STX7: variants seen among roughly 807,000 people sequenced by gnomAD.
STX7 encodes syntaxin 7.
STX7 carries 34 observed loss-of-function variants against 39.6 expected under a neutral mutation model. That is an observed-to-expected ratio of 0.86 (90% CI 0.65 to 1.14). The LOEUF is 1.14. Ranked by LOEUF, STX7 falls within the 50% of genes most tolerant of loss-of-function variation. STX7 has a pLI of 0.00. For synonymous variants in STX7, 119 were observed against 99.1 expected, an observed-to-expected ratio of 1.20 and a Z score of -1.19; for missense variants, 284 against 310.4, an observed-to-expected ratio of 0.92 and a Z score of 0.64.
intron 1 of STX7, among the ~76,000 whole-genome samples, chr6:132,508,764 A>C (rs912549395): frequency 6.6e-5 from 10 of 152,122 alleles, no homozygotes; most frequent in Non-Finnish European, 1.3e-4. Flanking sequence ...CTCCAGTCTC[A>C]GCCTCCCAAA....
chr6:132,501,573 C>T (rs1775559790), intron 2 of STX7, among the ~76,000 whole-genome samples: 1 of 152,114 alleles, frequency 6.6e-6, no homozygotes, highest in South Asian at 2.1e-4. Context: ...TTTCTCCTTC[C>T]AGTTCATGTT....
chr6:132,462,228 C>T (rs1232978108), intron 9 of STX7, among the ~76,000 whole-genome samples: 2 of 152,176 alleles, frequency 1.3e-5, no homozygotes, highest in African/African-American at 4.8e-5. Flanking sequence ...AATTTCTCAC[C>T]TTCCTTATTC....
At chr6:132,498,330 T>C (rs1051511955) in intron 2 of STX7, among the ~76,000 whole-genome samples, 2 of 152,270 alleles carry the variant, frequency 1.3e-5, no homozygotes, top group African/African-American at 4.8e-5. Flanking sequence ...ATGGTTTAAA[T>C]GCTTTACTGG....
At position 132,454,496 on chromosome 6, in the gene STX7, C is replaced by A. The variant is rs1054130934; in HGVS notation, c.*6262G>T. The A allele has an allele frequency of 6.6e-6, 1 of 152,116 alleles. No individual in the cohort carries two copies. Among genetic ancestry groups the A allele is most frequent in the Non-Finnish European group, 1.5e-5 (1 of 67,994 alleles). 9.4% of individuals were successfully genotyped at this position (152,116 alleles called of 1,614,324 possible). A position where few individuals can be genotyped will look rare whatever the true frequency, so the allele number is the denominator to read the frequency against. On this transcript the variant is annotated 3_prime_UTR_variant, in exon 10 of 10. Transcript: ENST00000367941. ...GAGGTCTCTGTATTATTTCTTACAA[C>A]AGCATGTGAATCTAGTTTCTCAAAA... is the stretch of plus-strand genomic sequence containing the variant.
At chr6:132,506,819 C>T (rs1775716194) in intron 1 of STX7, among the ~76,000 whole-genome samples, 1 of 151,892 alleles carries the variant, frequency 6.6e-6, no homozygotes, top group South Asian at 2.1e-4. Context: ...AACCATTATA[C>T]CAAAAAGATA....
At chr6:132,497,367 A>G (rs899448766) in intron 2 of STX7, among the ~76,000 whole-genome samples, 2 of 152,210 alleles carry the variant, frequency 1.3e-5, no homozygotes, top group African/African-American at 2.4e-5. Flanking sequence ...AAATTAATCA[A>G]TGATGTTAAC....
At chr6:132,490,059 G>A (rs1205475178) in intron 2 of STX7, among the ~76,000 whole-genome samples, 1 of 152,208 alleles carries the variant, frequency 6.6e-6, no homozygotes, top group Non-Finnish European at 1.5e-5. Context: ...GATCTGCTCA[G>A]TTTACCTGCT....
chr6:132,485,305 A>AG (rs1216522902), intron 2 of STX7, among the ~76,000 whole-genome samples: 1 of 152,198 alleles, frequency 6.6e-6, no homozygotes, highest in African/African-American at 2.4e-5. Context: ...TTTTTGAAAA[A>AG]GGATGGTGTC....
At chr6:132,470,079 A>G (rs1290039209) in intron 6 of STX7, 32 bp from the exon 7 acceptor site, 3 of 1,501,388 alleles carry the variant, frequency 2.0e-6, no homozygotes, top group East Asian at 4.9e-5. Flanking sequence ...GGAAAAAAAC[A>G]AAGATTGGTA....
chr6:132,503,526 G>C lies in STX7; in HGVS notation c.5C>G (p.Ser2Cys), dbSNP rs1562340319. 1.2e-6 allele frequency: 2 copies of C among 1,613,724 alleles called. No individual in the cohort carries two copies. The highest frequency in any genetic ancestry group is 1.7e-6 in the Non-Finnish European group (2 of 1,179,686). The change falls in exon 2 of 10, where the codon TCT becomes TGT. Residue 2 changes from serine (S) to cysteine (C), a missense_variant. Transcript: ENST00000367941. M[S>C]YTPGVGGDPA... ...GTCACCACCAACTCCTGGAGTGTAAGACATGGTTGATGTTCTTATTCGCTA... is the reference window on the plus strand; with the variant it reads ...GTCACCACCAACTCCTGGAGTGTAACACATGGTTGATGTTCTTATTCGCTA...
rs2114306564 is a variant in STX7 at position 132,446,298 on chromosome 6, CAG to C, written c.*14458_*14459del. On this transcript the variant is annotated 3_prime_UTR_variant, in exon 10 of 10. Transcript: ENST00000367941. ...CGAGGCCAAGTACTTGGTCTGAACA[CAG>C]AGTCACTTGTGTTTCTGAAGCCTCT... 1 of 152,284 alleles carries C rather than the reference CAG, an allele frequency of 6.6e-6. No individual in the cohort carries two copies. The highest frequency in any genetic ancestry group is 2.1e-4 in the South Asian group (1 of 4,830). 9.4% of individuals were successfully genotyped at this position (152,284 alleles called of 1,614,324 possible).
At chr6:132,495,461 TAGG>T (rs1003594010) in intron 2 of STX7, among the ~76,000 whole-genome samples, 1 of 152,166 alleles carries the variant, frequency 6.6e-6, no homozygotes, top group Non-Finnish European at 1.5e-5. Flanking sequence ...AACAGCATTT[TAGG>T]AGGAGGGAAG....
chr6:132,494,684 AT>A (rs1184041905), intron 2 of STX7, among the ~76,000 whole-genome samples: 3 of 152,212 alleles, frequency 2.0e-5, no homozygotes, highest in Non-Finnish European at 4.4e-5. Context: ...GAGCAGCACC[AT>A]GGGAGAGAGT....
intron 1 of STX7, among the ~76,000 whole-genome samples, chr6:132,509,188 G>A (rs139338352): frequency 0.023 from 3,498 of 152,126 alleles, 74 homozygotes; most frequent in African/African-American, 0.044. Flanking sequence ...GGCTGGGCGC[G>A]GTGGCTCACG....
intron 2 of STX7, among the ~76,000 whole-genome samples, chr6:132,498,623 G>A (rs989846523): frequency 6.6e-6 from 1 of 152,138 alleles, no homozygotes; most frequent in Non-Finnish European, 1.5e-5. Flanking sequence ...TAATTGTACT[G>A]ACACAATTTC....
rs80063653 is a variant in STX7, at chr6:132,460,424, C to T, written c.*334G>A. 0.015 allele frequency: 2,717 copies of T among 180,554 alleles called. 29 individuals are homozygous for T. Among genetic ancestry groups the T allele is most frequent in the Non-Finnish European group, 0.022 (1,909 of 86,634 alleles). 11.2% of individuals were successfully genotyped at this position (180,554 alleles called of 1,614,324 possible). A position where few individuals can be genotyped will look rare whatever the true frequency, so the allele number is the denominator to read the frequency against. On this transcript the variant is annotated 3_prime_UTR_variant, in exon 10 of 10. Transcript: ENST00000367941. ...GTGACAGGGAGATGCAAACAGAATA[C>T]ACACACCTTTAAATTTACGAATTCC...
chr6:132,495,339 C>T (rs1343101326), intron 2 of STX7, among the ~76,000 whole-genome samples: 1 of 152,140 alleles, frequency 6.6e-6, no homozygotes, highest in East Asian at 1.9e-4. Flanking sequence ...GCACCTTAGG[C>T]ATGAAGAAAA....
rs1349392360 is a variant in STX7 at position 132,451,355 on chromosome 6, C to T, written c.*9403G>A. ...AAGTGATCTGCCCGCCTTGGCTTCC[C>T]AAAGTGCTGGGCTTACAGGCGTGAG... is the stretch of plus-strand genomic sequence containing the variant. On this transcript the variant is annotated 3_prime_UTR_variant, in exon 10 of 10. Coordinates refer to ENST00000367941, the MANE Select transcript of STX7 (RefSeq NM_003569.3). 6.6e-6 allele frequency: 1 copy of T among 152,186 alleles called. No homozygotes were observed. Among genetic ancestry groups the T allele is most frequent in the Non-Finnish European group, 1.5e-5 (1 of 68,050 alleles). The allele number at this position is 152,186 out of a possible 1,614,324, so 9.4% of individuals were successfully genotyped here. A position where few individuals can be genotyped will look rare whatever the true frequency, so the allele number is the denominator to read the frequency against.
rs1460045521 is a variant in STX7 at position 132,463,269 on chromosome 6, A to T, written c.693+724T>A. ...ATGAATGATAGCAACAAAGGAATGG[A>T]GTTTTAAAAAGGAAATCAAATGCTA... On this transcript the variant is annotated intron_variant, in intron 9 of 9. Coordinates refer to ENST00000367941, the MANE Select transcript of STX7 (RefSeq NM_003569.3). Among the ~76,000 whole-genome samples, 3 of 152,120 alleles carry T rather than the reference A, an allele frequency of 2.0e-5. 1 individual carries two copies. The highest frequency in any genetic ancestry group is 7.2e-5 in the African/African-American group (3 of 41,412).
Sources: gnomAD v4.1 joint callset for allele counts (sites outside exome capture counted in the v4.1 genomes callset) on GRCh38, gnomAD v4.1.1 for gene constraint, MANE v1.5 for transcripts, NCBI Gene and HGNC (gene_info 2026-07-23, HGNC 2026-07-21) for gene names.